Variants in PPP1R37 observed in about 807,000 individuals in gnomAD.
The protein encoded by PPP1R37 is protein phosphatase 1 regulatory subunit 37, also known as leucine rich repeat containing 68.
Under a neutral mutation model 61.0 loss-of-function variants are expected in PPP1R37, and 21 were observed. That is an observed-to-expected ratio of 0.34 (90% CI 0.24 to 0.50). The LOEUF (loss-of-function observed/expected upper bound fraction) is 0.50. Ranked by LOEUF, PPP1R37 falls within the 20% of genes least tolerant of loss-of-function variation. PPP1R37 has a pLI of 0.98. For missense variants in PPP1R37, 910 were observed against 952.7 expected, an observed-to-expected ratio of 0.96 and a Z score of 0.59; for synonymous variants, 443 against 433.5, an observed-to-expected ratio of 1.02 and a Z score of -0.27.
chr19:45,104,878 A>G (rs79495752), intron 1 of PPP1R37, among the ~76,000 whole-genome samples: 21,700 of 152,012 alleles, frequency 0.14, 1,730 homozygotes, highest in Non-Finnish European at 0.17. Context: ...GACCGGCCCC[A>G]CCTACGCACA....
intron 1 of PPP1R37, among the ~76,000 whole-genome samples, chr19:45,134,241 C>CA (rs1968511944): frequency 6.6e-6 from 1 of 152,094 alleles, no homozygotes. Flanking sequence ...TGGCCTAAAG[C>CA]AATCCTCCTG....
At chr19:45,127,195 C>T (rs1249989610) in intron 1 of PPP1R37, among the ~76,000 whole-genome samples, 3 of 152,020 alleles carry the variant, frequency 2.0e-5, no homozygotes, top group Middle Eastern at 3.4e-3. Flanking sequence ...ATTAAAAATA[C>T]AAAATTAGCC....
chr19:45,142,526 G>T, intron 7 of PPP1R37, 68 bp downstream of exon 7: 1 of 1,464,732 alleles, frequency 6.8e-7, no homozygotes, highest in East Asian at 2.5e-5. Flanking sequence ...CCTGCGCTAG[G>T]TGGTGCTGGG....
chr19:45,097,382 G>C (rs1009769987), intron 1 of PPP1R37, among the ~76,000 whole-genome samples: 1 of 151,982 alleles, frequency 6.6e-6, no homozygotes. Context: ...ATGGAGCGCT[G>C]CCTAGGCCAG....
chr19:45,141,764 AGGGAC>A (rs1181403326), intron 5 of PPP1R37, among the ~76,000 whole-genome samples: 1 of 152,162 alleles, frequency 6.6e-6, no homozygotes. Flanking sequence ...GGCTGGGTGG[AGGGAC>A]GGGACGGGGC....
intron 1 of PPP1R37, among the ~76,000 whole-genome samples, chr19:45,094,921 A>G (rs1454514520): frequency 2.0e-5 from 3 of 152,168 alleles, no homozygotes; most frequent in Non-Finnish European, 2.9e-5. Context: ...GAAAGTGGAA[A>G]GTCGCTTGGG....
intron 1 of PPP1R37, among the ~76,000 whole-genome samples, chr19:45,132,346 C>T (rs1968488566): frequency 6.6e-6 from 1 of 152,052 alleles, no homozygotes; most frequent in African/African-American, 2.4e-5. Context: ...CACTCTATTG[C>T]CCAGGCTGGA....
At chr19:45,141,202 C>A in intron 4 of PPP1R37, 120 bp from the exon 5 acceptor site, 1 of 1,128,192 alleles carries the variant, frequency 8.9e-7, no homozygotes. Flanking sequence ...CCTCCTCTCC[C>A]GTGTGGCTCT....
At position 45,144,834 on chromosome 19, in the gene PPP1R37, C is replaced by A. The variant is rs547143937; in HGVS notation, c.988-20C>A. On this transcript the variant is annotated intron_variant, in intron 8 of 12. Coordinates refer to ENST00000221462, the MANE Select transcript of PPP1R37 (RefSeq NM_019121.2). ...CCGCCATCACGGCCTCCTCCTCACC[C>A]TCACACCCCCTCCCTCCAGCCGCAC... 1 of 1,520,242 alleles carries A rather than the reference C, an allele frequency of 6.6e-7. No individual in the cohort carries two copies. The highest frequency in any genetic ancestry group is 8.8e-7 in the Non-Finnish European group (1 of 1,136,664). The allele number at this position is 1,520,242 out of a possible 1,614,324, so 94.2% of individuals were successfully genotyped here. A position where few individuals can be genotyped will look rare whatever the true frequency, so the allele number is the denominator to read the frequency against.
At chr19:45,115,044 AG>A (rs1568443074) in intron 1 of PPP1R37, among the ~76,000 whole-genome samples, 1 of 152,170 alleles carries the variant, frequency 6.6e-6, no homozygotes. Context: ...TTAGTGGTTC[AG>A]GCATGCATTC....
At chr19:45,102,643 G>A (rs376655327) in intron 1 of PPP1R37, among the ~76,000 whole-genome samples, 4 of 152,274 alleles carry the variant, frequency 2.6e-5, no homozygotes, top group Non-Finnish European at 2.9e-5. Flanking sequence ...GTGTGATTTC[G>A]GCTCCTCCAC....
At position 45,119,493 on chromosome 19, in the gene PPP1R37, A is replaced by G. The variant is rs367920189; in HGVS notation, c.203-19021A>G. ...TGATGGACATTTTCAGACACAAGAA[A>G]GTAGGAGTATAATGAGTCTGATGGA... On this transcript the variant is annotated intron_variant, in intron 1 of 12. Coordinates refer to ENST00000221462, the MANE Select transcript of PPP1R37 (RefSeq NM_019121.2). Among the ~76,000 whole-genome samples, 14 of 152,302 alleles carry G rather than the reference A, an allele frequency of 9.2e-5. No individual in the cohort carries two copies. The South Asian group carries it at 2.7e-3, about 29-fold the overall frequency.
intron 1 of PPP1R37, among the ~76,000 whole-genome samples, chr19:45,120,288 A>G (rs550310816): frequency 8.5e-5 from 13 of 152,242 alleles, no homozygotes; most frequent in South Asian, 2.1e-4. Context: ...AAGTGCTGGG[A>G]TTAGAGGCGT....
rs942496813 is a variant in PPP1R37, at chr19:45,121,662, G to A, written c.203-16852G>A. ...TGCAGTGTATACAGGGAGTCCAGGG[G>A]CTGGTGTGAGCCCTGCTCTTGAGGG... is the stretch of plus-strand genomic sequence containing the variant. On this transcript the variant is annotated intron_variant, in intron 1 of 12. Coordinates refer to ENST00000221462, the MANE Select transcript of PPP1R37 (RefSeq NM_019121.2). The surrounding 1 kb of genome is among the most constrained non-coding windows in gnomAD (Gnocchi z 4.2). Among the ~76,000 whole-genome samples the A allele has an allele frequency of 7.9e-5, 12 of 152,238 alleles. No homozygotes were observed. The highest frequency in any genetic ancestry group is 1.8e-4 in the Non-Finnish European group (12 of 68,040).
intron 11 of PPP1R37, 147 bp from the exon 12 acceptor site, chr19:45,146,243 C>A: frequency 1.3e-6 from 1 of 747,766 alleles, no homozygotes; most frequent in Non-Finnish European, 2.0e-6. Context: ...GGTGGGGGGG[C>A]ATGTAAGGTG....
At position 45,114,729 on chromosome 19, in the gene PPP1R37, T is replaced by A. The variant is rs547438987; in HGVS notation, c.202+21202T>A. ...TGGGAGGCCGAGGCAGGAGGATCAC[T>A]TGAGGCCAGGAGTTCAAGACCACCC... On this transcript the variant is annotated intron_variant, in intron 1 of 12. Transcript: ENST00000221462. Among the ~76,000 whole-genome samples, 3 of 151,898 alleles carry A rather than the reference T, an allele frequency of 2.0e-5. No homozygotes were observed. In the South Asian group the frequency reaches 6.2e-4, roughly 32 times the overall value.
Position 45,093,251 on chromosome 19 carries a change from G to A in PPP1R37, c.-75G>A. ...GCGGCGGAGCCCATGCCCCGGGACGGCGGGCGGACCCGGAGAGACAAATCC... is the reference window on the plus strand; with the variant it reads ...GCGGCGGAGCCCATGCCCCGGGACGACGGGCGGACCCGGAGAGACAAATCC... On this transcript the variant is annotated 5_prime_UTR_variant, in exon 1 of 13. Transcript: ENST00000221462. 1 of 1,196,742 alleles carries A rather than the reference G, an allele frequency of 8.4e-7. No individual in the cohort carries two copies. The highest frequency in any genetic ancestry group is 1.1e-6 in the Non-Finnish European group (1 of 926,942). 74.1% of individuals were successfully genotyped at this position (1,196,742 alleles called of 1,614,324 possible).
intron 1 of PPP1R37, among the ~76,000 whole-genome samples, chr19:45,101,682 C>T (rs937420482): frequency 2.6e-5 from 4 of 152,122 alleles, no homozygotes; most frequent in African/African-American, 4.8e-5. Flanking sequence ...CACACCACTG[C>T]CCTCCAGCCT....
chr19:45,145,894 G>C lies in PPP1R37; in HGVS notation c.1838G>C (p.Arg613Pro). 7.1e-7 allele frequency: 1 copy of C among 1,399,494 alleles called. No homozygotes were observed. The highest frequency in any genetic ancestry group is 9.4e-7 in the Non-Finnish European group (1 of 1,063,372). 86.7% of individuals were successfully genotyped at this position (1,399,494 alleles called of 1,614,324 possible). A position where few individuals can be genotyped will look rare whatever the true frequency, so the allele number is the denominator to read the frequency against. ...SLPPAGAIDT[R>P]DTGSSEPQPP... ...CCACCAGCCGGGGCCATTGACACCCGGGACACAGGGTCCTCTGAGCCTCAG... is the reference window on the plus strand; with the variant it reads ...CCACCAGCCGGGGCCATTGACACCCCGGACACAGGGTCCTCTGAGCCTCAG... The change falls in exon 11 of 13, where the codon CGG becomes CCG. Residue 613 changes from arginine (R) to proline (P), a missense_variant. Arg to Pro is a moderately radical substitution (Grantham distance 103, BLOSUM62 -2). Coordinates refer to ENST00000221462, the MANE Select transcript of PPP1R37 (RefSeq NM_019121.2).
Sources: allele counts gnomAD v4.1 joint callset (sites outside exome capture counted in the v4.1 genomes callset), GRCh38; gene constraint gnomAD v4.1.1; non-coding constraint Gnocchi (gnomAD v3.1); transcripts MANE v1.5; gene names NCBI Gene and HGNC (gene_info 2026-07-23, HGNC 2026-07-21).